LIPA: variants seen among roughly 807,000 people sequenced by gnomAD.
LIPA encodes lysosomal acid lipase/cholesteryl ester hydrolase.
LIPA carries 26 observed loss-of-function variants against 40.6 expected under a neutral mutation model. That is an observed-to-expected ratio of 0.64 (90% CI 0.47 to 0.89). The LOEUF is 0.89. Among genes scored for constraint, LIPA ranks in the 40% least tolerant of loss-of-function variants. LIPA has a pLI of 0.00. For synonymous variants in LIPA, 188 were observed against 168.4 expected (o/e 1.12, Z -0.90); for missense variants, 455 against 479.6 (o/e 0.95, Z 0.48).
At chr10:89,306,820 G>A in intron 1 of LIPA, 1 of 1,614,108 alleles carries the variant, frequency 6.2e-7, no homozygotes, top group Non-Finnish European at 8.5e-7. Context: ...GCCAAATTGG[G>A]TGCTGCTATA....
At chr10:89,403,935 G>A (rs1255099244) in intron 2 of LIPA, 2 of 401,988 alleles carry the variant, frequency 5.0e-6, no homozygotes, top group Non-Finnish European at 8.7e-6. Flanking sequence ...CTATGTAGTA[G>A]AGAAAAAATG....
chr10:89,305,963 G>A (rs1357040066), intron 1 of LIPA: 1 of 1,605,990 alleles, frequency 6.2e-7, no homozygotes, highest in Non-Finnish European at 8.5e-7. Context: ...TCCCTACAGT[G>A]AGAACAATAA....
intron 2 of LIPA, among the ~76,000 whole-genome samples, chr10:89,379,904 G>A (rs151249170): frequency 1.1e-4 from 17 of 152,132 alleles, no homozygotes; most frequent in East Asian, 3.9e-4. Flanking sequence ...GAGTGGTGGC[G>A]GGCGCCTGTA....
At chr10:89,271,071 G>A (rs1589584624) in intron 1 of LIPA, among the ~76,000 whole-genome samples, 1 of 152,260 alleles carries the variant, frequency 6.6e-6, no homozygotes, top group Admixed American at 6.5e-5. Context: ...GGTCCTGAAG[G>A]CACAAGTCAC....
chr10:89,352,881 A>T (rs1843967394), intron 2 of LIPA, among the ~76,000 whole-genome samples: 4 of 151,912 alleles, frequency 2.6e-5, no homozygotes, highest in Admixed American at 2.6e-4. Flanking sequence ...CCCTAAAAAC[A>T]GTTCTGTTGA....
intron 3 of LIPA, among the ~76,000 whole-genome samples, chr10:89,242,473 G>T (rs1240552805): frequency 6.6e-6 from 1 of 152,196 alleles, no homozygotes. Context: ...AGAACAGGAA[G>T]CCTGGCAGAG....
chr10:89,380,923 A>T (rs1258374577), intron 2 of LIPA, among the ~76,000 whole-genome samples: 1 of 152,192 alleles, frequency 6.6e-6, no homozygotes, highest in Non-Finnish European at 1.5e-5. Context: ...CACCTATAAG[A>T]AAGAGCAATA....
At chr10:89,343,527 G>C (rs1843890073), upstream of LIPA, among the ~76,000 whole-genome samples, 1 of 152,198 alleles carries the variant, frequency 6.6e-6, no homozygotes, top group Non-Finnish European at 1.5e-5. Context: ...GGAGAAAGAA[G>C]CATGAAAGAC....
intron 3 of LIPA, among the ~76,000 whole-genome samples, chr10:89,239,841 C>T (rs576716211): frequency 9.2e-5 from 14 of 152,194 alleles, no homozygotes; most frequent in Non-Finnish European, 1.8e-4. Context: ...CTAGGACACA[C>T]AATTAGTATA....
chr10:89,402,530 A>C, intron 2 of LIPA: 7 of 1,614,152 alleles, frequency 4.3e-6, no homozygotes, highest in Non-Finnish European at 5.9e-6. Context: ...TGCAGGAAGA[A>C]CATGACAACC....
chr10:89,258,575 G>A (rs1843192454), intron 1 of LIPA, among the ~76,000 whole-genome samples: 1 of 152,178 alleles, frequency 6.6e-6, no homozygotes, highest in South Asian at 2.1e-4. Flanking sequence ...GTGGAGAAAT[G>A]TGAACCCTTG....
chr10:89,352,917 T>C (rs570750246), intron 2 of LIPA, among the ~76,000 whole-genome samples: 3 of 152,102 alleles, frequency 2.0e-5, no homozygotes, highest in Admixed American at 1.3e-4. Context: ...CATAAACTGA[T>C]AGCTTGTCTT....
At chr10:89,412,741 T>C (rs1383370013) in intron 2 of LIPA, 1 of 438,038 alleles carries the variant, frequency 2.3e-6, no homozygotes, top group South Asian at 1.6e-5. Context: ...TAACACTCAC[T>C]GTGAAGGTCT....
chr10:89,290,833 G>A (rs1843369832), intron 1 of LIPA, among the ~76,000 whole-genome samples: 1 of 152,198 alleles, frequency 6.6e-6, no homozygotes. Context: ...GCACCCAGGT[G>A]ATTAAAAAGC....
chr10:89,394,347 A>G (rs1232135670), intron 2 of LIPA, among the ~76,000 whole-genome samples: 1 of 152,048 alleles, frequency 6.6e-6, no homozygotes, highest in African/African-American at 2.4e-5. Context: ...TATGATCCTG[A>G]TTTTACAATA....
At chr10:89,247,843 T>C (rs985415538) in intron 1 of LIPA, 194 bp from the exon 2 acceptor site, 7 of 169,296 alleles carry the variant, frequency 4.1e-5, no homozygotes, top group South Asian at 2.4e-4. Context: ...TTATTTATTT[T>C]TATTTTATTT....
At chr10:89,310,818 GA>G (rs1324600567) in intron 1 of LIPA, among the ~76,000 whole-genome samples, 5 of 152,186 alleles carry the variant, frequency 3.3e-5, no homozygotes, top group African/African-American at 1.2e-4. Context: ...GGCTGCTGTT[GA>G]AAAGGAGGCT....
intron 2 of LIPA, among the ~76,000 whole-genome samples, chr10:89,392,347 T>C (rs1844264246): frequency 6.6e-6 from 1 of 152,166 alleles, no homozygotes; most frequent in Admixed American, 6.5e-5. Flanking sequence ...TGATGTTCTT[T>C]AGGGAGGACG....
At chr10:89,387,700 T>G (rs533980552) in intron 2 of LIPA, among the ~76,000 whole-genome samples, 1 of 152,338 alleles carries the variant, frequency 6.6e-6, no homozygotes, top group East Asian at 1.9e-4. Flanking sequence ...AATCCACATA[T>G]GTAAGCTAAA....
Sources: gnomAD v4.1 joint callset for allele counts (sites outside exome capture counted in the v4.1 genomes callset) on GRCh38, gnomAD v4.1.1 for gene constraint, MANE v1.5 for transcripts, NCBI Gene and HGNC (gene_info 2026-07-23, HGNC 2026-07-21) for gene names.